The following SFXN1 variants were observed in gnomAD, a reference collection of about 807,000 sequenced individuals.
SFXN1 encodes sideroflexin 1.
A neutral mutation model predicts 39.5 loss-of-function variants in SFXN1; 32 were observed. The ratio of observed to expected loss-of-function variants is 0.81; its 90% CI spans 0.61 to 1.09. The LOEUF is 1.09. SFXN1 is among the 50% of genes least tolerant of loss of function. SFXN1 has a pLI of 0.00. For synonymous variants in SFXN1, 136 were observed against 146.5 expected, an observed-to-expected ratio of 0.93 and a Z score of 0.52; for missense variants, 402 against 407.1, an observed-to-expected ratio of 0.99 and a Z score of 0.11.
At chr5:175,494,751 T>TA (rs1286516959) in intron 2 of SFXN1, among the ~76,000 whole-genome samples, 274 of 122,100 alleles carry the variant, frequency 2.2e-3, no homozygotes, top group East Asian at 0.019. Flanking sequence ...AAACTCCACC[T>TA]AAAAAAAAAA....
At chr5:175,501,159 C>T (rs906471993) in intron 2 of SFXN1, among the ~76,000 whole-genome samples, 58 of 150,738 alleles carry the variant, frequency 3.8e-4, no homozygotes, top group African/African-American at 3.2e-4. Context: ...ACCTCTGCCT[C>T]CCAGGTTCAA....
At chr5:175,488,995 G>A (rs1759555270) in intron 1 of SFXN1, among the ~76,000 whole-genome samples, 1 of 152,182 alleles carries the variant, frequency 6.6e-6, no homozygotes, top group South Asian at 2.1e-4. Context: ...CCATCCCAGT[G>A]TCAGCACCAA....
chr5:175,492,411 G>T, intron 2 of SFXN1, 144 bp downstream of exon 2: 1 of 719,098 alleles, frequency 1.4e-6, no homozygotes, highest in Non-Finnish European at 2.2e-6. Context: ...AGGAAGAAAA[G>T]AGTAAAAAGA....
intron 6 of SFXN1, among the ~76,000 whole-genome samples, chr5:175,512,999 T>C (rs1760575124): frequency 6.6e-6 from 1 of 152,170 alleles, no homozygotes. Flanking sequence ...TTATCCATGG[T>C]ATTTAAAAAT....
intron 4 of SFXN1, among the ~76,000 whole-genome samples, chr5:175,510,470 C>G (rs1267591142): frequency 6.6e-6 from 1 of 152,076 alleles, no homozygotes; most frequent in Non-Finnish European, 1.5e-5. Flanking sequence ...ATGTTACCTC[C>G]TTCTCACCCT....
At chr5:175,492,017 T>A in intron 1 of SFXN1, 78 bp from the exon 2 acceptor site, 1 of 1,132,526 alleles carries the variant, frequency 8.8e-7, no homozygotes, top group Non-Finnish European at 1.2e-6. Context: ...ACTCAAAAAT[T>A]TAAGGTGACT....
intron 2 of SFXN1, among the ~76,000 whole-genome samples, chr5:175,500,403 AACACACACACACACACAC>A (rs4008099): frequency 0.17 from 21,080 of 127,326 alleles, 1,635 homozygotes; most frequent in South Asian, 0.36. Context: ...CCTGTACACC[AACACACACACACACACAC>A]ACACACACAC....
At chr5:175,507,071 A>C (rs972465217) in intron 2 of SFXN1, among the ~76,000 whole-genome samples, 2 of 152,148 alleles carry the variant, frequency 1.3e-5, no homozygotes, top group Non-Finnish European at 2.9e-5. Context: ...GCTCCCTCTA[A>C]GAATCCTTCC....
chr5:175,513,600 A>T lies in SFXN1; in HGVS notation c.724+10A>T. ...GCAGCCCCTGGCATGGGTTAGCAGG[A>T]CTTTGTCATTTATTCCATAAATACA... is the stretch of plus-strand genomic sequence containing the variant. On this transcript the variant is annotated intron_variant, in intron 7 of 10. Transcript: ENST00000321442. The T allele has an allele frequency of 1.2e-6, 2 of 1,613,178 alleles. No individual in the cohort carries two copies. Among genetic ancestry groups the T allele is most frequent in the Non-Finnish European group, 1.7e-6 (2 of 1,179,494 alleles).
chr5:175,496,774 C>T (rs1759874501), intron 2 of SFXN1, among the ~76,000 whole-genome samples: 1 of 151,394 alleles, frequency 6.6e-6, no homozygotes, highest in Non-Finnish European at 1.5e-5. Context: ...AAATGTCTCC[C>T]TTTTTTTTTC....
chr5:175,492,359 T>C, intron 2 of SFXN1, 92 bp downstream of exon 2: 1 of 799,678 alleles, frequency 1.3e-6, no homozygotes, highest in Non-Finnish European at 1.7e-6. Flanking sequence ...ATTTTACAAC[T>C]TTTTTTTTTG....
chr5:175,525,286 A>G (rs1192033153), intron 10 of SFXN1, among the ~76,000 whole-genome samples: 2 of 152,200 alleles, frequency 1.3e-5, no homozygotes, highest in Non-Finnish European at 2.9e-5. Context: ...TGCCTTCAAC[A>G]TCTCAGTTGC....
At position 175,483,393 on chromosome 5, in the gene SFXN1, C is replaced by T. The variant is rs534999845; in HGVS notation, c.-10+4754C>T. Among the ~76,000 whole-genome samples, 7 of 152,132 alleles carry T rather than the reference C, an allele frequency of 4.6e-5. No individual in the cohort carries two copies. In the East Asian group the frequency reaches 1.2e-3, roughly 25 times the overall value. On this transcript the variant is annotated intron_variant, in intron 1 of 10. Transcript: ENST00000321442. ...ATACCCCACCAAAATTTCTTAATACCGTTAAAATCCAAAAATTTCTTTAAA... is the reference window on the plus strand; with the variant it reads ...ATACCCCACCAAAATTTCTTAATACTGTTAAAATCCAAAAATTTCTTTAAA...
At chr5:175,506,929 G>A (rs1760328030) in intron 2 of SFXN1, among the ~76,000 whole-genome samples, 1 of 152,202 alleles carries the variant, frequency 6.6e-6, no homozygotes, top group Admixed American at 6.5e-5. Context: ...CTCCCAAAGT[G>A]CTGGGATTAC....
Position 175,511,960 on chromosome 5 carries a change from C to G in SFXN1, c.511-151C>G, listed in dbSNP as rs1245562863. 1.7e-5 allele frequency: 12 copies of G among 687,056 alleles called. No homozygotes were observed. The Admixed American group carries it at 3.4e-4, about 19-fold the overall frequency. 42.6% of individuals were successfully genotyped at this position (687,056 alleles called of 1,614,324 possible). ...CACCCATGTGGGAAATATACAAATA[C>G]TGCTAGGAAAAGTTTTGAAAGCATT... On this transcript the variant is annotated intron_variant, in intron 5 of 10. Transcript: ENST00000321442.
Position 175,513,494 on chromosome 5 carries a change from G to T in SFXN1, c.628G>T (p.Glu210Ter). The change falls in exon 7 of 11, where the codon GAG becomes TAG. Residue 210 changes from glutamate to a stop codon, truncating the protein, a stop_gained. Coordinates refer to ENST00000321442, the MANE Select transcript of SFXN1 (RefSeq NM_022754.7). LOFTEE classifies it high-confidence loss of function. ...CAAAGTTGGCATTCCCGTCACGGATGAGAATGGGAACCGCTTGGGGGAGTC... is the reference window on the plus strand; with the variant it reads ...CAAAGTTGGCATTCCCGTCACGGATTAGAATGGGAACCGCTTGGGGGAGTC... ...ELKVGIPVTD[E>*]NGNRLGESAN... 4 of 1,613,916 alleles carry T rather than the reference G, an allele frequency of 2.5e-6. No individual in the cohort carries two copies. The highest frequency in any genetic ancestry group is 3.4e-6 in the Non-Finnish European group (4 of 1,179,932).
chr5:175,529,674 G>A lies in SFXN1; in HGVS notation c.*2940G>A, dbSNP rs1761194222. The stretch of plus-strand genomic sequence containing the variant: ...TCAGTATTAGCACAGCGTCTTGCCA[G>A]TGTTGGAGGCCATGTATTATTTCAG... On this transcript the variant is annotated 3_prime_UTR_variant, in exon 11 of 11. Coordinates refer to ENST00000321442, the MANE Select transcript of SFXN1 (RefSeq NM_022754.7). 1 of 152,204 alleles carries A rather than the reference G, an allele frequency of 6.6e-6. No homozygotes were observed. Among genetic ancestry groups the A allele is most frequent in the African/African-American group, 2.4e-5 (1 of 41,460 alleles). 9.4% of individuals were successfully genotyped at this position (152,204 alleles called of 1,614,324 possible). A position where few individuals can be genotyped will look rare whatever the true frequency, so the allele number is the denominator to read the frequency against.
rs200258539 is a variant in SFXN1 at position 175,509,194 on chromosome 5, G to A, written c.327G>A (p.Thr109=). The A allele has an allele frequency of 1.7e-5, 27 of 1,611,364 alleles. No homozygotes were observed. The highest frequency in any genetic ancestry group is 8.4e-5 in the Admixed American group (5 of 59,426). Residue 109 remains threonine (T), a synonymous_variant, in exon 3 of 11, where the codon ACG becomes ACA. Transcript: ENST00000321442. ...TGACCATCACAGGTTGTATGATGAC[G>A]TTTTACAGGTATGTTATGAATATGT... The part of the protein sequence containing the change: ...MNMTITGCMM[T]FYRTTPAVLF...
intron 8 of SFXN1, among the ~76,000 whole-genome samples, chr5:175,519,050 A>T (rs903442696): frequency 1.3e-5 from 2 of 152,224 alleles, no homozygotes; most frequent in Non-Finnish European, 2.9e-5. Flanking sequence ...AGCTGGGCAA[A>T]AGGTTTGAAC....
Sources: gnomAD v4.1 joint callset for allele counts (sites outside exome capture counted in the v4.1 genomes callset) on GRCh38, gnomAD v4.1.1 for gene constraint, MANE v1.5 for transcripts, NCBI Gene and HGNC (gene_info 2026-07-23, HGNC 2026-07-21) for gene names.